The following ARL9 variants were observed in gnomAD, a reference collection of about 807,000 sequenced individuals.
ARL9 encodes the protein ARF like GTPase 9, also known as ADP-ribosylation factor-like protein 9.
A neutral mutation model predicts 27.0 loss-of-function variants in ARL9; 14 were observed. That is an observed-to-expected ratio of 0.52 (90% CI 0.34 to 0.81). The LOEUF (loss-of-function observed/expected upper bound fraction) is 0.81, where lower values mean the gene tolerates loss of function less well. Ranked by LOEUF, ARL9 falls within the 30% of genes least tolerant of loss-of-function variation. ARL9 has a pLI of 0.01. For synonymous variants in ARL9, 106 were observed against 108.7 expected (o/e 0.98, Z 0.15); for missense variants, 294 against 290.0 (o/e 1.01, Z -0.10).
chr4:56,520,350 T>A (rs1721884085), intron 3 of ARL9, among the ~76,000 whole-genome samples: 3 of 152,166 alleles, frequency 2.0e-5, no homozygotes, highest in Admixed American at 2.0e-4. Context: ...TTCAGACACA[T>A]GTTCTGACAT....
Position 56,511,251 on chromosome 4 carries a change from C to T in ARL9, c.346C>T (p.Leu116=), listed in dbSNP as rs758742803. The change falls in exon 2 of 4, where the codon CTA becomes TTA. Residue 116 remains leucine (L), a synonymous_variant. Transcript: ENST00000640821. ...AGGAAAAACCAGTGTCCTGCACTCT[C>T]TAGCTTCAAACAGAGTCCAGCACAG... is the stretch of plus-strand genomic sequence containing the variant. ...GAGKTSVLHS[L]ASNRVQHSVA... 2.0e-5 allele frequency: 33 copies of T among 1,613,724 alleles called. No homozygotes were observed. In the East Asian group the frequency reaches 7.4e-4, roughly 36 times the overall value.
intron 3 of ARL9, among the ~76,000 whole-genome samples, chr4:56,520,887 C>T (rs781055479): frequency 4.6e-5 from 7 of 152,008 alleles, no homozygotes; most frequent in South Asian, 2.1e-4. Context: ...GAAGCTAGTC[C>T]GGCAGATTTT....
chr4:56,510,798 G>C (rs949460181), intron 1 of ARL9, among the ~76,000 whole-genome samples: 1 of 150,022 alleles, frequency 6.7e-6, no homozygotes, highest in Non-Finnish European at 1.5e-5. Context: ...TTGGAGACAG[G>C]GTCTCACTCT....
intron 3 of ARL9, 31 bp downstream of exon 3, chr4:56,518,884 C>G: frequency 6.3e-7 from 1 of 1,588,504 alleles, no homozygotes; most frequent in Non-Finnish European, 8.6e-7. Context: ...AAATTGTACT[C>G]AAGAGTTTTG....
At chr4:56,510,546 CA>C in intron 1 of ARL9, among the ~76,000 whole-genome samples, 1 of 152,096 alleles carries the variant, frequency 6.6e-6, no homozygotes. Context: ...GTCTCCAATT[CA>C]TAGACACGAA....
At position 56,524,001 on chromosome 4, in the gene ARL9, A is replaced by G. The variant is rs1290320489; in HGVS notation, c.*125A>G. 6 of 865,478 alleles carry G rather than the reference A, an allele frequency of 6.9e-6. No homozygotes were observed. The Admixed American group carries it at 1.7e-4, about 24-fold the overall frequency. The allele number at this position is 865,478 out of a possible 1,614,324, so 53.6% of individuals were successfully genotyped here. A position where few individuals can be genotyped will look rare whatever the true frequency, so the allele number is the denominator to read the frequency against. On this transcript the variant is annotated 3_prime_UTR_variant, in exon 4 of 4. Transcript: ENST00000640821. ...ATTTCCTATTTTCTCAGTGCATGGGATGTATATAGTTAGCCCTCCATATCC... is the reference window on the plus strand; with the variant it reads ...ATTTCCTATTTTCTCAGTGCATGGGGTGTATATAGTTAGCCCTCCATATCC...
At chr4:56,522,562 G>A (rs1348175933) in intron 3 of ARL9, among the ~76,000 whole-genome samples, 2 of 152,122 alleles carry the variant, frequency 1.3e-5, no homozygotes, top group Non-Finnish European at 2.9e-5. Flanking sequence ...TGCAATTTTA[G>A]AAGTGAAAAA....
In ARL9 at chr4:56,518,716, T is replaced by G. The variant is rs1203779980; in HGVS notation, c.481T>G (p.Tyr161Asp). ...SKPFRSYWEM[Y>D]LSKGLLLIFV... Reference sequence around the variant, plus strand: ...ACCTTTTCGGTCCTACTGGGAAATGTACCTATCCAAGGGATTGCTGCTGAT... The same window carrying G: ...ACCTTTTCGGTCCTACTGGGAAATGGACCTATCCAAGGGATTGCTGCTGAT... Residue 161 changes from tyrosine to aspartate, a missense_variant, in exon 3 of 4, where the codon TAC becomes GAC. Coordinates refer to ENST00000640821, the MANE Select transcript of ARL9 (RefSeq NM_001363794.2). 1.2e-6 allele frequency: 2 copies of G among 1,613,942 alleles called. No homozygotes were observed. The highest frequency in any genetic ancestry group is 1.7e-6 in the Non-Finnish European group (2 of 1,179,846).
chr4:56,518,957 AGTTTAT>A, intron 3 of ARL9, 104 bp downstream of exon 3: 1 of 1,135,124 alleles, frequency 8.8e-7, no homozygotes, highest in Non-Finnish European at 1.2e-6. Context: ...TATTTAACTC[AGTTTAT>A]GTTTATTAGA....
intron 3 of ARL9, among the ~76,000 whole-genome samples, chr4:56,522,666 G>A (rs1721956523): frequency 6.6e-6 from 1 of 152,208 alleles, no homozygotes; most frequent in African/African-American, 2.4e-5. Flanking sequence ...CTTGGTGTAT[G>A]AGAGTTAAAG....
At chr4:56,517,388 T>C (rs928224673) in intron 2 of ARL9, among the ~76,000 whole-genome samples, 1 of 152,202 alleles carries the variant, frequency 6.6e-6, no homozygotes, top group Non-Finnish European at 1.5e-5. Flanking sequence ...AAGAACTACA[T>C]AGGAACTAAT....
At chr4:56,517,771 C>G (rs933166889) in intron 2 of ARL9, among the ~76,000 whole-genome samples, 1 of 151,766 alleles carries the variant, frequency 6.6e-6, no homozygotes, top group African/African-American at 2.4e-5. Context: ...ATGAAGTAAT[C>G]AAAAGGCATT....
In ARL9 at chr4:56,505,965, G is replaced by A; in HGVS notation, c.103G>A (p.Glu35Lys). Reference sequence around the variant, plus strand: ...AGAGAAAGTGAAAAGAAAGGAGGTGGAGCAGAAAATTAAACAAAAGCAAGA... The same window carrying A: ...AGAGAAAGTGAAAAGAAAGGAGGTGAAGCAGAAAATTAAACAAAAGCAAGA... ...REEKVKRKEV[E>K]QKIKQKQEKQ... Residue 35 changes from glutamate (E) to lysine (K), a missense_variant, in exon 1 of 4, where the codon GAG becomes AAG. Coordinates refer to ENST00000640821, the MANE Select transcript of ARL9 (RefSeq NM_001363794.2). The A allele has an allele frequency of 1.7e-6, 2 of 1,206,364 alleles. No homozygotes were observed. The highest frequency in any genetic ancestry group is 2.1e-6 in the Non-Finnish European group (2 of 964,948). The allele number at this position is 1,206,364 out of a possible 1,614,324, so 74.7% of individuals were successfully genotyped here.
At chr4:56,514,258 T>C (rs1721716392) in intron 2 of ARL9, among the ~76,000 whole-genome samples, 1 of 152,136 alleles carries the variant, frequency 6.6e-6, no homozygotes, top group Admixed American at 6.5e-5. Context: ...GGAAAATAGC[T>C]GAACACTTAT....
Position 56,524,097 on chromosome 4 carries a change from A to G in ARL9, c.*221A>G. The G allele has an allele frequency of 2.2e-6, 1 of 450,734 alleles. No homozygotes were observed. The highest frequency in any genetic ancestry group is 3.9e-6 in the Non-Finnish European group (1 of 256,234). The allele number at this position is 450,734 out of a possible 1,614,324, so 27.9% of individuals were successfully genotyped here. On this transcript the variant is annotated 3_prime_UTR_variant, in exon 4 of 4. Transcript: ENST00000640821. ...TCAAAAAGTAAACCCACTGAAGAAT[A>G]ATAACACAACAATAAAAATAATACA...
chr4:56,505,883 G>T lies in ARL9; in HGVS notation c.21G>T (p.Lys7Asn). MERGKVKKKEKEKETQE... is the reference protein window; with the variant it reads MERGKVNKKEKEKETQE... ...TGGGGATGGAGAGGGGGAAAGTGAA[G>T]AAGAAAGAGAAGGAAAAGGAGACGC... The change falls in exon 1 of 4, where the codon AAG becomes AAT. Residue 7 changes from lysine to asparagine, a missense_variant. Coordinates refer to ENST00000640821, the MANE Select transcript of ARL9 (RefSeq NM_001363794.2). The T allele has an allele frequency of 7.9e-7, 1 of 1,260,824 alleles. No individual in the cohort carries two copies. Among genetic ancestry groups the T allele is most frequent in the Non-Finnish European group, 1.0e-6 (1 of 1,004,512 alleles). 78.1% of individuals were successfully genotyped at this position (1,260,824 alleles called of 1,614,324 possible).
chr4:56,509,207 T>TTC, intron 1 of ARL9, among the ~76,000 whole-genome samples: 1 of 139,514 alleles, frequency 7.2e-6, no homozygotes, highest in Admixed American at 8.0e-5. Flanking sequence ...TTTTCTTTTT[T>TTC]TTGTTTTTTT....
At chr4:56,515,230 T>C (rs1462518613) in intron 2 of ARL9, among the ~76,000 whole-genome samples, 3 of 149,126 alleles carry the variant, frequency 2.0e-5, no homozygotes, top group Non-Finnish European at 3.0e-5. Context: ...CTCCATCCAG[T>C]CTGGATGACA....
intron 3 of ARL9, 55 bp from the exon 4 acceptor site, chr4:56,523,642 G>T: frequency 6.9e-7 from 1 of 1,446,346 alleles, no homozygotes; most frequent in Non-Finnish European, 9.5e-7. Context: ...GTGTTTATCT[G>T]AAAGGATTGC....
Sources: gnomAD v4.1 joint callset for allele counts (sites outside exome capture counted in the v4.1 genomes callset) on GRCh38, gnomAD v4.1.1 for gene constraint, MANE v1.5 for transcripts, NCBI Gene and HGNC (gene_info 2026-07-23, HGNC 2026-07-21) for gene names.